FHOD3: variants seen among roughly 807,000 people sequenced by gnomAD.
The protein encoded by FHOD3 is FH1/FH2 domain-containing protein 3.
Under a neutral mutation model 173.0 loss-of-function variants are expected in FHOD3, and 90 were observed. That is an observed-to-expected ratio of 0.52 (90% CI 0.44 to 0.62). FHOD3 has a LOEUF of 0.62. Among genes scored for constraint, FHOD3 ranks in the 20% least tolerant of loss-of-function variants. The pLI is 0.00. For synonymous variants in FHOD3, 828 were observed against 823.0 expected, an observed-to-expected ratio of 1.01 and a Z score of -0.10; for missense variants, 1,945 against 2,034.7, an observed-to-expected ratio of 0.96 and a Z score of 0.85.
At chr18:36,440,573 C>T (rs536972222) in intron 3 of FHOD3, among the ~76,000 whole-genome samples, 2 of 152,360 alleles carry the variant, frequency 1.3e-5, no homozygotes, top group South Asian at 2.1e-4. Flanking sequence ...TGTGCCTGCT[C>T]CTCTGACCAC....
intron 1 of FHOD3, among the ~76,000 whole-genome samples, chr18:36,302,790 A>G (rs926320502): frequency 6.6e-6 from 1 of 152,246 alleles, no homozygotes; most frequent in Non-Finnish European, 1.5e-5. Context: ...GTGTTGTGTC[A>G]TAGTATCTTA....
chr18:36,768,750 CTATT>C (rs1182999117), intron 27 of FHOD3, among the ~76,000 whole-genome samples: 1 of 152,158 alleles, frequency 6.6e-6, no homozygotes, highest in Non-Finnish European at 1.5e-5. Context: ...ATTATAAAAT[CTATT>C]TCTTTCTACT....
At chr18:36,636,815 T>G (rs563483472) in intron 10 of FHOD3, among the ~76,000 whole-genome samples, 14 of 151,994 alleles carry the variant, frequency 9.2e-5, no homozygotes, top group Admixed American at 7.9e-4. Flanking sequence ...ATGGTGGGGG[T>G]GGGCATGTCA....
At chr18:36,689,615 A>T (rs890046254) in intron 16 of FHOD3, among the ~76,000 whole-genome samples, 1 of 152,224 alleles carries the variant, frequency 6.6e-6, no homozygotes, top group Non-Finnish European at 1.5e-5. Context: ...TGATTGATTA[A>T]AATGACATTC....
chr18:36,616,645 T>G (rs77200424), intron 9 of FHOD3, among the ~76,000 whole-genome samples: 1 of 152,182 alleles, frequency 6.6e-6, no homozygotes, highest in South Asian at 2.1e-4. Context: ...TGTACCAGCT[T>G]TAAGAACTAA....
chr18:36,297,946 C>G lies in FHOD3; in HGVS notation c.111C>G (p.Leu37=). 6.4e-7 allele frequency: 1 copy of G among 1,565,844 alleles called. No homozygotes were observed. The highest frequency in any genetic ancestry group is 8.6e-7 in the Non-Finnish European group (1 of 1,156,962). The change falls in exon 1 of 29, where the codon CTC becomes CTG. Residue 37 remains leucine (L), a synonymous_variant. Coordinates refer to ENST00000590592, the MANE Select transcript of FHOD3 (RefSeq NM_001281740.3). The part of the protein sequence containing the change: ...RPPLFTFRED[L]ALGTQLAGVH... Reference sequence around the variant, plus strand: ...CGCTGTTCACGTTCCGCGAGGACCTCGCGCTCGGCACCCAGCTGGCGGGGG... The same window carrying G: ...CGCTGTTCACGTTCCGCGAGGACCTGGCGCTCGGCACCCAGCTGGCGGGGG...
intron 14 of FHOD3, among the ~76,000 whole-genome samples, chr18:36,677,201 C>T (rs1008905146): frequency 6.6e-6 from 1 of 151,548 alleles, no homozygotes; most frequent in South Asian, 2.1e-4. Context: ...TTCTGTTGCC[C>T]AGGCTGGAGT....
intron 7 of FHOD3, among the ~76,000 whole-genome samples, chr18:36,596,211 G>A (rs2030348309): frequency 6.6e-6 from 1 of 151,866 alleles, no homozygotes; most frequent in South Asian, 2.1e-4. Flanking sequence ...CTGGAGTGCA[G>A]TGGCGCGATC....
intron 6 of FHOD3, among the ~76,000 whole-genome samples, chr18:36,593,015 G>C (rs1474931931): frequency 6.6e-6 from 1 of 152,128 alleles, no homozygotes; most frequent in Non-Finnish European, 1.5e-5. Context: ...AGAGTAAAGA[G>C]GAGTGAACTC....
At chr18:36,375,862 C>G (rs916889387) in intron 3 of FHOD3, among the ~76,000 whole-genome samples, 1 of 152,232 alleles carries the variant, frequency 6.6e-6, no homozygotes, top group East Asian at 1.9e-4. Flanking sequence ...TTTATCTCCA[C>G]TGTAATTTTT....
At chr18:36,695,781 A>G (rs1182519892) in intron 17 of FHOD3, among the ~76,000 whole-genome samples, 1 of 152,244 alleles carries the variant, frequency 6.6e-6, no homozygotes, top group Admixed American at 6.5e-5. Context: ...TGGTGTCACC[A>G]AGTTTTTCTC....
intron 3 of FHOD3, among the ~76,000 whole-genome samples, chr18:36,446,730 C>T (rs557665358): frequency 6.6e-6 from 1 of 152,152 alleles, no homozygotes; most frequent in Non-Finnish European, 1.5e-5. Flanking sequence ...CCCTCACCCC[C>T]ACCTGCCCCC....
At chr18:36,426,486 G>A (rs1483081172) in intron 3 of FHOD3, among the ~76,000 whole-genome samples, 6 of 152,150 alleles carry the variant, frequency 3.9e-5, no homozygotes, top group Non-Finnish European at 8.8e-5. Flanking sequence ...CATGAGATTG[G>A]TGCACAAGTG....
chr18:36,550,133 CAG>C (rs937948651), intron 5 of FHOD3, among the ~76,000 whole-genome samples: 3 of 151,120 alleles, frequency 2.0e-5, no homozygotes, highest in Non-Finnish European at 4.4e-5. Context: ...TGCCTTTTCT[CAG>C]AGACTGAATT....
At chr18:36,324,619 A>C (rs946935250) in intron 1 of FHOD3, among the ~76,000 whole-genome samples, 1 of 152,254 alleles carries the variant, frequency 6.6e-6, no homozygotes, top group Non-Finnish European at 1.5e-5. Flanking sequence ...CCAAATGACC[A>C]GTAACCTTTA....
chr18:36,717,012 G>C (rs189885168), intron 18 of FHOD3, among the ~76,000 whole-genome samples: 1 of 151,868 alleles, frequency 6.6e-6, no homozygotes, highest in Non-Finnish European at 1.5e-5. Context: ...ATACAGGACA[G>C]AGAATTTCTG....
chr18:36,338,287 T>G (rs542132998), intron 1 of FHOD3, among the ~76,000 whole-genome samples: 1 of 152,296 alleles, frequency 6.6e-6, no homozygotes, highest in Non-Finnish European at 1.5e-5. Flanking sequence ...GGATACTTGG[T>G]AGCCTGTGCT....
At chr18:36,687,060 G>A in intron 15 of FHOD3, 68 bp from the exon 16 acceptor site, 1 of 1,168,062 alleles carries the variant, frequency 8.6e-7, no homozygotes, top group Non-Finnish European at 1.3e-6. Flanking sequence ...TAATTTATTG[G>A]TAATTTTCTG....
intron 3 of FHOD3, among the ~76,000 whole-genome samples, chr18:36,451,922 C>T (rs1210496723): frequency 6.6e-6 from 1 of 152,168 alleles, no homozygotes; most frequent in African/African-American, 2.4e-5. Flanking sequence ...GCCCTCTGGA[C>T]TGGTGTCCTG....
Sources: allele counts gnomAD v4.1 joint callset (sites outside exome capture counted in the v4.1 genomes callset), GRCh38; gene constraint gnomAD v4.1.1; transcripts MANE v1.5; gene names NCBI Gene and HGNC (gene_info 2026-07-23, HGNC 2026-07-21).